Variants in PRDM1 observed in about 807,000 individuals in gnomAD.
The protein encoded by PRDM1 is PR/SET domain 1.
Under a neutral mutation model 62.8 loss-of-function variants are expected in PRDM1, and 13 were observed. The ratio of observed to expected loss-of-function variants is 0.21; its 90% CI spans 0.13 to 0.33. PRDM1 has a LOEUF of 0.33. PRDM1 is among the 10% of genes least tolerant of loss of function. The pLI is 1.00. For missense variants in PRDM1, 895 were observed against 1,058.8 expected, an observed-to-expected ratio of 0.85 and a Z score of 2.15; for synonymous variants, 396 against 417.6, an observed-to-expected ratio of 0.95 and a Z score of 0.63.
intron 1 of PRDM1, among the ~76,000 whole-genome samples, chr6:106,050,119 T>C (rs950339555): frequency 3.3e-5 from 5 of 152,222 alleles, no homozygotes; most frequent in African/African-American, 1.2e-4. Context: ...ACTGGGCCTC[T>C]GCTTCTATTT....
upstream of PRDM1, among the ~76,000 whole-genome samples, chr6:106,043,754 G>A (rs559374764): frequency 9.2e-5 from 14 of 152,088 alleles, no homozygotes; most frequent in South Asian, 2.5e-3. Flanking sequence ...AGCTGGTCTC[G>A]AACTCCTGAC....
intron 1 of PRDM1, among the ~76,000 whole-genome samples, chr6:106,033,094 T>A (rs541345506): frequency 3.3e-5 from 5 of 152,154 alleles, no homozygotes; most frequent in African/African-American, 9.6e-5. Flanking sequence ...AATTTTTAAA[T>A]TGTGATAAAA....
At chr6:106,003,813 A>G (rs994906468) in intron 1 of PRDM1, among the ~76,000 whole-genome samples, 3 of 152,138 alleles carry the variant, frequency 2.0e-5, no homozygotes, top group African/African-American at 7.2e-5. Flanking sequence ...GATCTTACTT[A>G]TTTTTGGACA....
chr6:106,019,253 C>CAAAAAAA (rs55704256), intron 1 of PRDM1, among the ~76,000 whole-genome samples: 3 of 69,654 alleles, frequency 4.3e-5, no homozygotes, highest in Non-Finnish European at 2.5e-5. Flanking sequence ...GACTCCATCT[C>CAAAAAAA]AAAAAAAAAA....
intron 1 of PRDM1, among the ~76,000 whole-genome samples, chr6:106,012,726 C>G (rs1455991318): frequency 2.1e-4 from 32 of 152,238 alleles, no homozygotes; most frequent in Admixed American, 2.1e-3. Flanking sequence ...AAATGGTTTT[C>G]TAGAACAACT....
Position 106,095,523 on chromosome 6 carries a change from A to G in PRDM1, c.292-92A>G. 11 of 1,410,740 alleles carry G rather than the reference A, an allele frequency of 7.8e-6. No homozygotes were observed. In the South Asian group the frequency reaches 1.0e-4, roughly 13 times the overall value. 87.4% of individuals were successfully genotyped at this position (1,410,740 alleles called of 1,614,324 possible). A position where few individuals can be genotyped will look rare whatever the true frequency, so the allele number is the denominator to read the frequency against. On this transcript the variant is annotated intron_variant, in intron 2 of 6. Coordinates refer to ENST00000369096, the MANE Select transcript of PRDM1 (RefSeq NM_001198.4). ...TCAAAATTTTATCATTGTTAGTTGT[A>G]TTACTACTTGACAGTCCAATTTATT... is the stretch of plus-strand genomic sequence containing the variant.
At chr6:106,055,793 C>T (rs761125390) in intron 1 of PRDM1, among the ~76,000 whole-genome samples, 27 of 152,184 alleles carry the variant, frequency 1.8e-4, no homozygotes, top group Non-Finnish European at 3.5e-4. Flanking sequence ...GTCATGGGTA[C>T]AGCTCTGGTC....
At chr6:106,079,758 A>G (rs879251117) in intron 1 of PRDM1, among the ~76,000 whole-genome samples, 1 of 152,246 alleles carries the variant, frequency 6.6e-6, no homozygotes, top group Non-Finnish European at 1.5e-5. Flanking sequence ...AGATCATGCC[A>G]TTGCACTCTA....
At chr6:106,074,205 G>A (rs1042616615) in intron 1 of PRDM1, among the ~76,000 whole-genome samples, 2 of 152,180 alleles carry the variant, frequency 1.3e-5, no homozygotes, top group African/African-American at 4.8e-5. Flanking sequence ...TTTGGATTTT[G>A]TTATTGCAGA....
chr6:106,024,706 G>A (rs1772742684), intron 1 of PRDM1, among the ~76,000 whole-genome samples: 1 of 152,150 alleles, frequency 6.6e-6, no homozygotes, highest in Non-Finnish European at 1.5e-5. Flanking sequence ...CAAAGGCACT[G>A]GTTTTTCTGG....
chr6:106,056,268 G>A (rs1398566237), intron 1 of PRDM1, among the ~76,000 whole-genome samples: 1 of 152,110 alleles, frequency 6.6e-6, no homozygotes, highest in East Asian at 1.9e-4. Flanking sequence ...AATGGGAGAA[G>A]CACGGAGAGT....
intron 1 of PRDM1, among the ~76,000 whole-genome samples, chr6:106,017,525 C>T (rs924692324): frequency 2.0e-5 from 3 of 152,168 alleles, no homozygotes; most frequent in East Asian, 3.9e-4. Flanking sequence ...CCGGAGGGCA[C>T]CGTGTTATGA....
At chr6:106,100,108 A>G (rs2114640509) in intron 4 of PRDM1, 1 of 152,734 alleles carries the variant, frequency 6.5e-6, no homozygotes, top group Non-Finnish European at 1.5e-5. Flanking sequence ...CTTGATCAGT[A>G]TTATAGTAGC....
In PRDM1 at chr6:106,108,096, G is replaced by A; in HGVS notation, c.*610G>A. ...ATTGCCAATGTTGGACAGTTGATGT[G>A]TTCATTCCTGGGATCCTATCATTTG... is the stretch of plus-strand genomic sequence containing the variant. On this transcript the variant is annotated 3_prime_UTR_variant, in exon 7 of 7. Transcript: ENST00000369096. The A allele has an allele frequency of 4.3e-6, 1 of 233,486 alleles. No homozygotes were observed. Among genetic ancestry groups the A allele is most frequent in the Middle Eastern group, 1.3e-3 (1 of 784 alleles). The allele number at this position is 233,486 out of a possible 1,614,324, so 14.5% of individuals were successfully genotyped here. A position where few individuals can be genotyped will look rare whatever the true frequency, so the allele number is the denominator to read the frequency against.
upstream of PRDM1, among the ~76,000 whole-genome samples, chr6:106,044,763 C>T (rs903939689): frequency 2.0e-5 from 3 of 152,126 alleles, no homozygotes; most frequent in Admixed American, 6.5e-5. Flanking sequence ...CTAAAGACAT[C>T]CTATCCACCT....
intron 4 of PRDM1, among the ~76,000 whole-genome samples, chr6:106,101,480 T>C (rs1474880332): frequency 1.3e-5 from 2 of 152,264 alleles, no homozygotes; most frequent in Non-Finnish European, 2.9e-5. Context: ...TTTTTATTTA[T>C]GCAGTATGTC....
intron 1 of PRDM1, among the ~76,000 whole-genome samples, chr6:106,025,978 CCTTT>C (rs1392534922): frequency 5.9e-5 from 9 of 152,122 alleles, no homozygotes; most frequent in Non-Finnish European, 8.8e-5. Context: ...TTTCTCTTTT[CCTTT>C]CTTTGAATCA....
chr6:106,103,138 T>C (rs914780758), intron 4 of PRDM1, among the ~76,000 whole-genome samples: 3 of 152,136 alleles, frequency 2.0e-5, no homozygotes, highest in Admixed American at 6.5e-5. Flanking sequence ...GGCCCCCCCG[T>C]CAGCATCTTC....
chr6:106,042,387 C>T lies in PRDM1; in HGVS notation c.-66-45814C>T, dbSNP rs11152955. ...AATACAAAAGAAAAAATTAGCCGGG[C>T]GTGGTGGTGCATGCCTGTAATCCCA... On this transcript the variant is annotated intron_variant, in intron 1 of 6. Coordinates refer to the PRDM1 transcript ENST00000652320. Among the ~76,000 whole-genome samples, 11 of 151,354 alleles carry T rather than the reference C, an allele frequency of 7.3e-5. No individual in the cohort carries two copies. In the East Asian group the frequency reaches 2.0e-3, roughly 27 times the overall value.
Sources: allele counts gnomAD v4.1 joint callset (sites outside exome capture counted in the v4.1 genomes callset), GRCh38; gene constraint gnomAD v4.1.1; transcripts MANE v1.5; gene names NCBI Gene and HGNC (gene_info 2026-07-23, HGNC 2026-07-21).